LSAMP: variants seen among roughly 807,000 people sequenced by gnomAD.
LSAMP encodes limbic system associated membrane protein, also known as limbic system-associated membrane protein.
LSAMP carries 7 observed loss-of-function variants against 38.6 expected under a neutral mutation model. The observed-to-expected ratio is 0.18, with a 90% CI of 0.10 to 0.34. LSAMP has a LOEUF of 0.34. Ranked by LOEUF, LSAMP falls within the 10% of genes least tolerant of loss-of-function variation. The pLI, the probability that LSAMP is intolerant of heterozygous loss-of-function variation, is 1.00. For missense variants in LSAMP, 313 were observed against 420.0 expected (o/e 0.75, Z 2.23); for synonymous variants, 154 against 166.8 (o/e 0.92, Z 0.59).
intron 1 of LSAMP, among the ~76,000 whole-genome samples, chr3:116,243,081 A>C (rs1376501683): frequency 6.6e-6 from 1 of 152,194 alleles, no homozygotes; most frequent in East Asian, 1.9e-4. Context: ...GCAGGAAGCT[A>C]CTTCTACTCT....
Position 115,809,728 on chromosome 3 carries a change from G to C in LSAMP, c.*589C>G, listed in dbSNP as rs1241260900. The stretch of plus-strand genomic sequence containing the variant: ...GAGTATCTAGGGTGGGTGTGGGGGA[G>C]ATAGAACGCACTGGAGGGAGAGGGG... On this transcript the variant is annotated 3_prime_UTR_variant, in exon 7 of 7. Coordinates refer to ENST00000490035, the MANE Select transcript of LSAMP (RefSeq NM_002338.5). 1 of 152,576 alleles carries C rather than the reference G, an allele frequency of 6.6e-6. No homozygotes were observed. The highest frequency in any genetic ancestry group is 1.5e-5 in the Non-Finnish European group (1 of 68,434). 9.5% of individuals were successfully genotyped at this position (152,576 alleles called of 1,614,324 possible). A position where few individuals can be genotyped will look rare whatever the true frequency, so the allele number is the denominator to read the frequency against.
chr3:115,820,288 T>A (rs1164528218), intron 6 of LSAMP, among the ~76,000 whole-genome samples: 2 of 152,224 alleles, frequency 1.3e-5, no homozygotes, highest in Non-Finnish European at 2.9e-5. Flanking sequence ...AACTAAATAT[T>A]AATCTTGCTT....
intron 3 of LSAMP, among the ~76,000 whole-genome samples, chr3:115,969,667 C>T (rs1938949788): frequency 6.6e-6 from 1 of 152,172 alleles, no homozygotes; most frequent in South Asian, 2.1e-4. Flanking sequence ...ATGTTTCTGA[C>T]ATTTTACTCA....
Position 115,842,567 on chromosome 3 carries a change from TA to T in LSAMP, c.660del (p.Ile221SerfsTer38). 1 of 1,613,362 alleles carries T rather than the reference TA, an allele frequency of 6.2e-7. No homozygotes were observed. Among genetic ancestry groups the T allele is most frequent in the Non-Finnish European group, 8.5e-7 (1 of 1,179,522 alleles). On this transcript the variant is annotated frameshift_variant, in exon 5 of 7. Transcript: ENST00000490035. LOFTEE classifies it high-confidence loss of function. ...QVKVTVNYPP[T>X]ITESKSNEAT... Reference sequence around the variant, plus strand: ...GCTTCATTGCTCTTGGATTCTGTGATAGTGGGAGGATCTGTAGGAAGGACAG... The same window carrying T: ...GCTTCATTGCTCTTGGATTCTGTGATGTGGGAGGATCTGTAGGAAGGACAG...
At chr3:116,332,394 G>A (rs970745281) in intron 1 of LSAMP, among the ~76,000 whole-genome samples, 16 of 152,046 alleles carry the variant, frequency 1.1e-4, no homozygotes, top group Admixed American at 2.0e-4. Context: ...TTTGTATGTC[G>A]CTGAAGTTAA....
chr3:116,356,850 G>C (rs972377158), intron 1 of LSAMP, among the ~76,000 whole-genome samples: 1 of 152,130 alleles, frequency 6.6e-6, no homozygotes, highest in Admixed American at 6.5e-5. Flanking sequence ...CTGGAGTGCA[G>C]TGGCGCCATC....
chr3:115,816,712 C>A, intron 6 of LSAMP: 1 of 923,254 alleles, frequency 1.1e-6, no homozygotes, highest in South Asian at 1.5e-5. Flanking sequence ...AGAAGAAACA[C>A]AAAGGTAATC....
chr3:115,995,899 T>C (rs998979974), intron 3 of LSAMP, among the ~76,000 whole-genome samples: 2 of 152,026 alleles, frequency 1.3e-5, no homozygotes, highest in African/African-American at 4.8e-5. Context: ...TGGGGACATG[T>C]GAATAAACAT....
chr3:115,878,818 A>T (rs1196396121), intron 3 of LSAMP, among the ~76,000 whole-genome samples: 1 of 152,102 alleles, frequency 6.6e-6, no homozygotes, highest in East Asian at 1.9e-4. Flanking sequence ...ATGGTGGCCC[A>T]TGTCACCAAT....
intron 1 of LSAMP, among the ~76,000 whole-genome samples, chr3:116,358,973 T>C (rs1458220506): frequency 6.6e-6 from 1 of 152,212 alleles, no homozygotes; most frequent in Non-Finnish European, 1.5e-5. Flanking sequence ...CCTATTTGCC[T>C]TTGACATCTT....
chr3:116,231,327 T>C (rs573141980), intron 1 of LSAMP, among the ~76,000 whole-genome samples: 1 of 152,350 alleles, frequency 6.6e-6, no homozygotes, highest in African/African-American at 2.4e-5. Flanking sequence ...CTGTTCTCCA[T>C]GCTGAAGCAA....
intron 3 of LSAMP, among the ~76,000 whole-genome samples, chr3:115,950,435 T>A (rs1938244460): frequency 1.3e-5 from 2 of 151,938 alleles, no homozygotes; most frequent in Admixed American, 1.3e-4. Context: ...CTGCTATACA[T>A]CAACAACGAC....
chr3:116,238,218 T>A (rs2046489855), intron 1 of LSAMP, among the ~76,000 whole-genome samples: 2 of 152,232 alleles, frequency 1.3e-5, no homozygotes, highest in African/African-American at 4.8e-5. Context: ...GGCTTTTACC[T>A]TTTTAATTGT....
At chr3:115,914,270 G>T (rs1937198508) in intron 3 of LSAMP, among the ~76,000 whole-genome samples, 1 of 152,134 alleles carries the variant, frequency 6.6e-6, no homozygotes, top group African/African-American at 2.4e-5. Context: ...CTTTTAGCAA[G>T]AATCTTGCTA....
intron 2 of LSAMP, among the ~76,000 whole-genome samples, chr3:116,053,178 G>A (rs1941427645): frequency 6.6e-6 from 1 of 152,230 alleles, no homozygotes; most frequent in Admixed American, 6.5e-5. Flanking sequence ...TGCTGTGACT[G>A]ATAGATGATG....
At chr3:115,955,506 T>G (rs533264074) in intron 3 of LSAMP, among the ~76,000 whole-genome samples, 43 of 152,324 alleles carry the variant, frequency 2.8e-4, no homozygotes, top group African/African-American at 1.0e-3. Flanking sequence ...TACTAAGTGC[T>G]AGGGATATAA....
At chr3:115,945,862 T>C (rs577375663) in intron 3 of LSAMP, among the ~76,000 whole-genome samples, 9 of 152,324 alleles carry the variant, frequency 5.9e-5, no homozygotes, top group Admixed American at 2.0e-4. Flanking sequence ...GAGTTCTTAT[T>C]GACATTATTA....
chr3:116,116,669 A>G (rs780278132), intron 1 of LSAMP, among the ~76,000 whole-genome samples: 17 of 151,894 alleles, frequency 1.1e-4, no homozygotes, highest in Admixed American at 2.0e-4. Context: ...GTGAGCTGAG[A>G]TCGCGCCACT....
chr3:115,932,512 C>T (rs1337157402), intron 3 of LSAMP, among the ~76,000 whole-genome samples: 3 of 152,116 alleles, frequency 2.0e-5, no homozygotes, highest in Non-Finnish European at 4.4e-5. Flanking sequence ...AAGGTGGATT[C>T]CAGAATCACA....
Sources: allele counts gnomAD v4.1 joint callset (sites outside exome capture counted in the v4.1 genomes callset), GRCh38; gene constraint gnomAD v4.1.1; transcripts MANE v1.5; gene names NCBI Gene and HGNC (gene_info 2026-07-23, HGNC 2026-07-21).